VEGFC: variants seen among roughly 807,000 people sequenced by gnomAD.
The protein encoded by VEGFC is vascular endothelial growth factor C, also known as FLT4 ligand DHM.
A neutral mutation model predicts 46.1 loss-of-function variants in VEGFC; 12 were observed. The observed-to-expected ratio is 0.26, with a 90% CI of 0.17 to 0.42. The LOEUF (loss-of-function observed/expected upper bound fraction) is 0.42, where lower values mean the gene tolerates loss of function less well. VEGFC is among the 10% of genes least tolerant of loss of function. The pLI, the probability that VEGFC is intolerant of heterozygous loss-of-function variation, is 1.00. For missense variants in VEGFC, 488 were observed against 529.4 expected (o/e 0.92, Z 0.77); for synonymous variants, 232 against 195.5 (o/e 1.19, Z -1.56).
In VEGFC at chr4:176,732,036, C is replaced by A. The variant is rs1734976923; in HGVS notation, c.148-2290G>T. Among the ~76,000 whole-genome samples, 6 of 151,624 alleles carry A rather than the reference C, an allele frequency of 4.0e-5. No homozygotes were observed. In the South Asian group the frequency reaches 1.3e-3, roughly 32 times the overall value. On this transcript the variant is annotated intron_variant, in intron 1 of 6. Transcript: ENST00000618562. The stretch of plus-strand genomic sequence containing the variant: ...ATTTATACTCTTAGGCTGAAAAAGG[C>A]CTTTTTAAAGTGAATATAAAATAAA...
intron 1 of VEGFC, among the ~76,000 whole-genome samples, chr4:176,769,420 C>T (rs1428142544): frequency 6.6e-6 from 1 of 152,142 alleles, no homozygotes; most frequent in Non-Finnish European, 1.5e-5. Context: ...CAGAAAAGCT[C>T]ACAGAACAGA....
chr4:176,723,154 T>C (rs1403481846), intron 3 of VEGFC, among the ~76,000 whole-genome samples: 3 of 152,176 alleles, frequency 2.0e-5, no homozygotes, highest in Non-Finnish European at 4.4e-5. Context: ...TAATGTTGGC[T>C]TTTGCTCATA....
At chr4:176,725,057 CAAGAG>C (rs1025236698) in intron 3 of VEGFC, among the ~76,000 whole-genome samples, 13 of 151,982 alleles carry the variant, frequency 8.6e-5, no homozygotes, top group African/African-American at 3.1e-4. Context: ...TAAAAAGCTG[CAAGAG>C]AAGTACTGTA....
At chr4:176,719,025 C>T (rs1002798294) in intron 3 of VEGFC, among the ~76,000 whole-genome samples, 1 of 152,136 alleles carries the variant, frequency 6.6e-6, no homozygotes. Context: ...CACTTAGATA[C>T]TTGTGTGGAG....
At chr4:176,696,384 A>G (rs1194404827) in intron 4 of VEGFC, among the ~76,000 whole-genome samples, 1 of 149,800 alleles carries the variant, frequency 6.7e-6, no homozygotes, top group African/African-American at 2.5e-5. Context: ...CCCATTCACA[A>G]TTGCTTCAAA....
At chr4:176,708,413 T>A (rs1734572004) in intron 4 of VEGFC, among the ~76,000 whole-genome samples, 1 of 152,106 alleles carries the variant, frequency 6.6e-6, no homozygotes. Context: ...AACTTTACAC[T>A]TCCTTTTTAT....
intron 4 of VEGFC, among the ~76,000 whole-genome samples, chr4:176,708,299 C>T (rs140049176): frequency 1.3e-3 from 195 of 151,820 alleles, no homozygotes; most frequent in African/African-American, 4.5e-3. Flanking sequence ...CTGGCAAATA[C>T]AATTATAAAT....
At chr4:176,745,761 A>C (rs1183095942) in intron 1 of VEGFC, among the ~76,000 whole-genome samples, 2 of 152,190 alleles carry the variant, frequency 1.3e-5, no homozygotes, top group Non-Finnish European at 2.9e-5. Flanking sequence ...GAATATGGAA[A>C]GTCAGGCTGT....
intron 1 of VEGFC, among the ~76,000 whole-genome samples, chr4:176,755,564 GC>G (rs1161378469): frequency 1.3e-5 from 2 of 151,952 alleles, no homozygotes; most frequent in Non-Finnish European, 2.9e-5. Flanking sequence ...CCCTGGGATT[GC>G]CTCCCAGATA....
At chr4:176,765,464 G>A (rs973162235) in intron 1 of VEGFC, among the ~76,000 whole-genome samples, 6 of 151,518 alleles carry the variant, frequency 4.0e-5, no homozygotes, top group African/African-American at 1.5e-4. Context: ...TTCAAAAATT[G>A]CTATGATCAT....
chr4:176,693,621 A>G (rs1579088765), intron 4 of VEGFC, among the ~76,000 whole-genome samples: 1 of 147,206 alleles, frequency 6.8e-6, no homozygotes, highest in Non-Finnish European at 1.5e-5. Context: ...CAGGAAATAC[A>G]GAGAATGCCA....
At chr4:176,693,122 A>G (rs1483879393) in intron 4 of VEGFC, among the ~76,000 whole-genome samples, 1 of 152,182 alleles carries the variant, frequency 6.6e-6, no homozygotes, top group East Asian at 1.9e-4. Flanking sequence ...ACAAAGCTGG[A>G]TGGAGAATAA....
intron 1 of VEGFC, among the ~76,000 whole-genome samples, chr4:176,753,388 G>GT (rs1337163495): frequency 6.6e-6 from 1 of 152,034 alleles, no homozygotes; most frequent in Non-Finnish European, 1.5e-5. Context: ...GGCAGCTGGA[G>GT]TAACAGTATG....
intron 4 of VEGFC, among the ~76,000 whole-genome samples, chr4:176,691,891 G>A (rs1734187437): frequency 1.3e-5 from 2 of 152,156 alleles, no homozygotes; most frequent in East Asian, 3.9e-4. Flanking sequence ...GAGGTACCGG[G>A]TTCATCTCAC....
chr4:176,736,472 AC>A (rs34498637), intron 1 of VEGFC, among the ~76,000 whole-genome samples: 114,189 of 151,404 alleles, frequency 0.75, 46,455 homozygotes, highest in East Asian at 0.93. Context: ...AATTAGTTCT[AC>A]TATAAAAAAT....
At chr4:176,732,328 C>T (rs919845814) in intron 1 of VEGFC, among the ~76,000 whole-genome samples, 1 of 151,804 alleles carries the variant, frequency 6.6e-6, no homozygotes, top group African/African-American at 2.4e-5. Context: ...TAAGAGACCC[C>T]CAGACTAAAG....
intron 1 of VEGFC, among the ~76,000 whole-genome samples, chr4:176,738,834 A>G (rs1300598428): frequency 6.6e-6 from 1 of 152,038 alleles, no homozygotes; most frequent in South Asian, 2.1e-4. Flanking sequence ...AGAGTCTACA[A>G]GGAACTTAAA....
At chr4:176,731,943 C>T (rs1159538335) in intron 1 of VEGFC, among the ~76,000 whole-genome samples, 1 of 151,348 alleles carries the variant, frequency 6.6e-6, no homozygotes, top group Non-Finnish European at 1.5e-5. Flanking sequence ...TGGAGAAAAA[C>T]ATAAGCATAA....
At chr4:176,726,119 G>C (rs941186363) in intron 3 of VEGFC, among the ~76,000 whole-genome samples, 1 of 151,984 alleles carries the variant, frequency 6.6e-6, no homozygotes, top group African/African-American at 2.4e-5. Flanking sequence ...ATGAACTAAG[G>C]ATAACTTTTG....
Sources: allele counts gnomAD v4.1 joint callset (sites outside exome capture counted in the v4.1 genomes callset), GRCh38; gene constraint gnomAD v4.1.1; transcripts MANE v1.5; gene names NCBI Gene and HGNC (gene_info 2026-07-23, HGNC 2026-07-21).